Variants in CRADD observed in about 807,000 individuals in gnomAD.
The protein encoded by CRADD is CARD and death domain containing adaptor protein, also known as death domain-containing protein CRADD.
CRADD carries 9 observed loss-of-function variants against 15.5 expected under a neutral mutation model. The ratio of observed to expected loss-of-function variants is 0.58; its 90% CI spans 0.35 to 1.01. The LOEUF (loss-of-function observed/expected upper bound fraction) is 1.01, where lower values mean the gene tolerates loss of function less well. Ranked by LOEUF, CRADD falls within the 50% of genes least tolerant of loss-of-function variation. The pLI, the probability that CRADD is intolerant of heterozygous loss-of-function variation, is 0.02. For synonymous variants in CRADD, 118 were observed against 107.6 expected, an observed-to-expected ratio of 1.10 and a Z score of -0.60; for missense variants, 227 against 250.3, an observed-to-expected ratio of 0.91 and a Z score of 0.63.
At chr12:93,871,080 ATGTATC>A (rs1958415233) in intron 2 of CRADD, among the ~76,000 whole-genome samples, 1 of 152,192 alleles carries the variant, frequency 6.6e-6, no homozygotes, top group Admixed American at 6.5e-5. Context: ...TTTTAATGGG[ATGTATC>A]TGTATACCTC....
chr12:93,740,322 TTC>T (rs975840295), intron 2 of CRADD, among the ~76,000 whole-genome samples: 1 of 152,170 alleles, frequency 6.6e-6, no homozygotes, highest in Non-Finnish European at 1.5e-5. Context: ...ATCTAAATAT[TTC>T]TCTTTTTCAT....
At chr12:93,843,381 A>AT (rs1555228419) in intron 2 of CRADD, among the ~76,000 whole-genome samples, 7 of 137,056 alleles carry the variant, frequency 5.1e-5, no homozygotes, top group African/African-American at 1.9e-4. Flanking sequence ...TTGTCTTTTT[A>AT]TTCTTTTTTT....
At chr12:93,731,501 A>G (rs1197582137) in intron 2 of CRADD, among the ~76,000 whole-genome samples, 1 of 152,216 alleles carries the variant, frequency 6.6e-6, no homozygotes, top group Admixed American at 6.5e-5. Context: ...TTCTATTTCA[A>G]TGACTGTGTT....
intron 2 of CRADD, among the ~76,000 whole-genome samples, chr12:93,778,381 G>A (rs548216655): frequency 2.0e-5 from 3 of 152,192 alleles, no homozygotes; most frequent in Admixed American, 1.3e-4. Flanking sequence ...TGGCACATGC[G>A]CACGAGTTGA....
At chr12:93,818,408 CA>C (rs1957732968) in intron 2 of CRADD, among the ~76,000 whole-genome samples, 1 of 152,230 alleles carries the variant, frequency 6.6e-6, no homozygotes, top group Non-Finnish European at 1.5e-5. Flanking sequence ...CCCTTAGGAC[CA>C]ATGTCTTCTG....
At chr12:93,796,382 A>G (rs1376772507) in intron 2 of CRADD, among the ~76,000 whole-genome samples, 1 of 152,110 alleles carries the variant, frequency 6.6e-6, no homozygotes, top group East Asian at 1.9e-4. Context: ...AGGCAGGTGG[A>G]TCACTTGAGG....
At chr12:93,709,904 T>G (rs899735582) in intron 2 of CRADD, among the ~76,000 whole-genome samples, 1 of 152,244 alleles carries the variant, frequency 6.6e-6, no homozygotes, top group Non-Finnish European at 1.5e-5. Flanking sequence ...TTGGAGAACT[T>G]GCCTTTCTTG....
chr12:93,735,026 C>A (rs957954035), intron 2 of CRADD, among the ~76,000 whole-genome samples: 4 of 152,166 alleles, frequency 2.6e-5, no homozygotes, highest in African/African-American at 4.8e-5. Flanking sequence ...GTCTGCCTCC[C>A]CTTCCTGTAA....
At chr12:93,806,744 G>A (rs1957544005) in intron 2 of CRADD, among the ~76,000 whole-genome samples, 1 of 152,080 alleles carries the variant, frequency 6.6e-6, no homozygotes, top group African/African-American at 2.4e-5. Context: ...AAGATTGATG[G>A]TGTGTGGAAT....
chr12:93,798,449 A>G (rs12581702), intron 2 of CRADD, among the ~76,000 whole-genome samples: 13,169 of 152,198 alleles, frequency 0.087, 718 homozygotes, highest in Admixed American at 0.19. Context: ...CATATGTTAC[A>G]CTTCACTCAG....
At chr12:93,849,770 A>G (rs1958187030) in intron 2 of CRADD, among the ~76,000 whole-genome samples, 200 bp from the exon 3 acceptor site, 1 of 151,620 alleles carries the variant, frequency 6.6e-6, no homozygotes, top group South Asian at 2.1e-4. Context: ...GTTTCTGTAA[A>G]AACATTTTCA....
At chr12:93,831,506 CTGTG>C (rs1192366794) in intron 2 of CRADD, 1 of 152,240 alleles carries the variant, frequency 6.6e-6, no homozygotes, top group Non-Finnish European at 1.5e-5. Flanking sequence ...GCAGCACCTC[CTGTG>C]CTTCGTCAGG....
chr12:93,815,179 A>T (rs185506685), intron 2 of CRADD: 1 of 152,224 alleles, frequency 6.6e-6, no homozygotes, highest in African/African-American at 2.4e-5. Context: ...TATGTTTTCT[A>T]TATAAACATA....
At chr12:93,749,093 C>T (rs1329655314) in intron 2 of CRADD, among the ~76,000 whole-genome samples, 1 of 152,160 alleles carries the variant, frequency 6.6e-6, no homozygotes. Context: ...AGACAAGATC[C>T]CTGCTGTCAT....
chr12:93,803,426 A>G (rs753555107), intron 2 of CRADD, among the ~76,000 whole-genome samples: 1 of 152,164 alleles, frequency 6.6e-6, no homozygotes, highest in Non-Finnish European at 1.5e-5. Context: ...TATCGTATTC[A>G]CCTGCCAAGT....
intron 2 of CRADD, among the ~76,000 whole-genome samples, chr12:93,723,234 G>A (rs1320482715): frequency 1.3e-5 from 2 of 152,182 alleles, no homozygotes; most frequent in East Asian, 1.9e-4. Flanking sequence ...AAACTGAAAC[G>A]TTAGCCACAA....
intron 2 of CRADD, among the ~76,000 whole-genome samples, chr12:93,730,425 C>A (rs1015855961): frequency 1.3e-5 from 2 of 152,220 alleles, no homozygotes; most frequent in South Asian, 2.1e-4. Flanking sequence ...GTGAAGCCTG[C>A]ACTCTCATAT....
At chr12:93,692,791 TTACA>T (rs1354842350) in intron 2 of CRADD, among the ~76,000 whole-genome samples, 1 of 152,178 alleles carries the variant, frequency 6.6e-6, no homozygotes, top group Non-Finnish European at 1.5e-5. Context: ...AGTATAAAAC[TTACA>T]TAGTCAAATT....
At chr12:93,770,135 G>A (rs10859574) in intron 2 of CRADD, among the ~76,000 whole-genome samples, 42,901 of 133,784 alleles carry the variant, frequency 0.32, 8,187 homozygotes, top group East Asian at 0.57. Flanking sequence ...TCGCTCTGTG[G>A]CCCAGGTGGG....
Sources: gnomAD v4.1 joint callset for allele counts (sites outside exome capture counted in the v4.1 genomes callset) on GRCh38, gnomAD v4.1.1 for gene constraint, MANE v1.5 for transcripts, NCBI Gene and HGNC (gene_info 2026-07-23, HGNC 2026-07-21) for gene names.